Variants in SUGT1 observed in about 807,000 individuals in gnomAD.
The protein encoded by SUGT1 is SGT1 assembly cochaperone of MIS12 kinetochore complex, also known as protein SGT1 homolog.
A neutral mutation model predicts 56.1 loss-of-function variants in SUGT1; 15 were observed. That is an observed-to-expected ratio of 0.27 (90% CI 0.18 to 0.41). The LOEUF (loss-of-function observed/expected upper bound fraction) is 0.41. Among genes scored for constraint, SUGT1 ranks in the 10% least tolerant of loss-of-function variants. The pLI, the probability that SUGT1 is intolerant of heterozygous loss-of-function variation, is 1.00. For missense variants in SUGT1, 347 were observed against 382.2 expected (o/e 0.91, Z 0.77); for synonymous variants, 123 against 128.6 (o/e 0.96, Z 0.30).
chr13:52,661,290 GT>G (rs931735203), intron 5 of SUGT1, among the ~76,000 whole-genome samples: 8 of 146,924 alleles, frequency 5.4e-5, no homozygotes, highest in Admixed American at 1.3e-4. Flanking sequence ...GTTTTTTGGG[GT>G]TTTTTTTTGT....
chr13:52,662,541 T>TGGTGG, intron 5 of SUGT1, 108 bp from the exon 6 acceptor site: 1 of 1,031,360 alleles, frequency 9.7e-7, no homozygotes, highest in Non-Finnish European at 1.4e-6. Flanking sequence ...CGCTGCCGAC[T>TGGTGG]CCCCAGTGCC....
At chr13:52,675,488 G>T (rs1032325027) in intron 10 of SUGT1, among the ~76,000 whole-genome samples, 11 of 152,038 alleles carry the variant, frequency 7.2e-5, no homozygotes, top group Non-Finnish European at 1.5e-4. Flanking sequence ...GAGGCTGGAG[G>T]ATCACTTGAG....
rs185906015 is a variant in SUGT1, at chr13:52,657,780, A to C, written c.187+158A>C. On this transcript the variant is annotated intron_variant, in intron 3 of 12. Coordinates refer to ENST00000310528, the MANE Select transcript of SUGT1 (RefSeq NM_006704.5). ...CAGACATGTTGAGCAACACCCATTT[A>C]AATTTTATGGATGTCGCTTTTTCCT... is the stretch of plus-strand genomic sequence containing the variant. Among the ~76,000 whole-genome samples the C allele has an allele frequency of 2.5e-3, 387 of 152,342 alleles. 1 individual carries two copies. Among genetic ancestry groups the C allele is most frequent in the Non-Finnish European group, 4.1e-3 (276 of 68,026 alleles).
chr13:52,662,531 C>T (rs1049223311), intron 5 of SUGT1, 118 bp from the exon 6 acceptor site: 18 of 880,636 alleles, frequency 2.0e-5, no homozygotes, highest in Middle Eastern at 2.3e-4. Flanking sequence ...AGGTTTTGTT[C>T]GCTGCCGACT....
At chr13:52,685,902 A>G (rs1290705984) in intron 12 of SUGT1, among the ~76,000 whole-genome samples, 1 of 152,128 alleles carries the variant, frequency 6.6e-6, no homozygotes, top group Admixed American at 6.6e-5. Context: ...CCAAATCCAC[A>G]ACTGAAGGTC....
intron 10 of SUGT1, among the ~76,000 whole-genome samples, chr13:52,671,403 C>T (rs574982514): frequency 3.3e-5 from 5 of 152,060 alleles, no homozygotes; most frequent in South Asian, 2.1e-4. Context: ...CAAAGTATTT[C>T]GGCATATGCA....
At chr13:52,657,926 A>G (rs964030248) in intron 3 of SUGT1, among the ~76,000 whole-genome samples, 1 of 152,184 alleles carries the variant, frequency 6.6e-6, no homozygotes, top group Non-Finnish European at 1.5e-5. Context: ...AATTTTTTTT[A>G]TAAAAAAGAA....
rs1964044074 is a variant in SUGT1 at position 52,700,279 on chromosome 13, GC to G, written c.*12446del. The G allele has an allele frequency of 1.3e-5, 2 of 152,060 alleles. No individual in the cohort carries two copies. Among genetic ancestry groups the G allele is most frequent in the South Asian group, 4.1e-4 (2 of 4,830 alleles). The allele number at this position is 152,060 out of a possible 1,614,324, so 9.4% of individuals were successfully genotyped here. ...TAAAGATGTAAAAAAGGTTCACTAA[GC>G]CAAACACCTTAGAAAATAGCCTCAG... On this transcript the variant is annotated 3_prime_UTR_variant, in exon 13 of 13. Transcript: ENST00000310528.
intron 11 of SUGT1, among the ~76,000 whole-genome samples, chr13:52,678,709 T>G (rs780485280): frequency 6.6e-6 from 1 of 150,906 alleles, no homozygotes; most frequent in Non-Finnish European, 1.5e-5. Context: ...GAGAGAGTCT[T>G]GCTGTGTCAC....
At chr13:52,676,999 C>G (rs577748581) in intron 11 of SUGT1, among the ~76,000 whole-genome samples, 1 of 152,236 alleles carries the variant, frequency 6.6e-6, no homozygotes, top group Admixed American at 6.5e-5. Context: ...TATTTTATAG[C>G]AATAGCTTCA....
At chr13:52,658,584 A>C in intron 4 of SUGT1, 116 bp downstream of exon 4, 1 of 873,838 alleles carries the variant, frequency 1.1e-6, no homozygotes, top group African/African-American at 1.7e-5. Context: ...TATACATTAT[A>C]TAGCAGAGAT....
intron 10 of SUGT1, among the ~76,000 whole-genome samples, chr13:52,667,370 A>T (rs1962752550): frequency 6.6e-6 from 1 of 152,108 alleles, no homozygotes; most frequent in South Asian, 2.1e-4. Flanking sequence ...GTTGAGACGG[A>T]GTCTTGCTTT....
In SUGT1 at chr13:52,699,052, T is replaced by C. The variant is rs189394391; in HGVS notation, c.*11217T>C. 1 of 152,190 alleles carries C rather than the reference T, an allele frequency of 6.6e-6. No homozygotes were observed. Among genetic ancestry groups the C allele is most frequent in the Non-Finnish European group, 1.5e-5 (1 of 68,026 alleles). The allele number at this position is 152,190 out of a possible 1,614,324, so 9.4% of individuals were successfully genotyped here. ...GAGAGAACAGAAGTGAGATTAGCAC[T>C]AATCACCTCTAATGCCTTATTTCCA... On this transcript the variant is annotated 3_prime_UTR_variant, in exon 13 of 13. Coordinates refer to ENST00000310528, the MANE Select transcript of SUGT1 (RefSeq NM_006704.5).
In SUGT1 at chr13:52,696,971, G is replaced by A. The variant is rs530427474; in HGVS notation, c.*9136G>A. 6 of 143,560 alleles carry A rather than the reference G, an allele frequency of 4.2e-5. No homozygotes were observed. Among genetic ancestry groups the A allele is most frequent in the African/African-American group, 1.5e-4 (6 of 39,044 alleles). 8.9% of individuals were successfully genotyped at this position (143,560 alleles called of 1,614,324 possible). ...TTGAGATACCATTTTTTGGAGGGGT[G>A]TCCTGATTTATTTTATTTATTTTAT... On this transcript the variant is annotated 3_prime_UTR_variant, in exon 13 of 13. Transcript: ENST00000310528.
rs765297347 is a variant in SUGT1, at chr13:52,665,660, C to T, written c.446C>T (p.Ser149Phe). Residue 149 changes from serine (S) to phenylalanine (F), a missense_variant, in exon 9 of 13, where the codon TCT (serine) becomes TTT (phenylalanine). By Grantham distance (155) the Ser-to-Phe change is radical. Transcript: ENST00000310528. ...AGGTATGACTGGTATCAAACAGAAT[C>T]TCAAGTAGTCATTACACTTATGATC... Reference protein sequence around the residue: ...KIKYDWYQTESQVVITLMIKN... With the variant: ...KIKYDWYQTEFQVVITLMIKN... The T allele has an allele frequency of 6.3e-7, 1 of 1,593,052 alleles. No individual in the cohort carries two copies. Among genetic ancestry groups the T allele is most frequent in the South Asian group, 1.1e-5 (1 of 87,614 alleles).
chr13:52,674,780 T>C (rs9526973), intron 10 of SUGT1, among the ~76,000 whole-genome samples: 143,580 of 152,260 alleles, frequency 0.94, 67,722 homozygotes, highest in East Asian at 0.99. Context: ...ATGTTTATTA[T>C]AGTGCTTACT....
At chr13:52,665,419 A>C (rs555025409) in intron 8 of SUGT1, among the ~76,000 whole-genome samples, 1 of 152,240 alleles carries the variant, frequency 6.6e-6, no homozygotes, top group Non-Finnish European at 1.5e-5. Context: ...ATTTAAGTCT[A>C]CTGGAAAGGT....
chr13:52,684,887 G>C (rs1325038314), intron 12 of SUGT1, among the ~76,000 whole-genome samples: 1 of 136,290 alleles, frequency 7.3e-6, no homozygotes, highest in Non-Finnish European at 1.5e-5. Flanking sequence ...CTTGGCAAGA[G>C]AGAGCAGGGG....
At chr13:52,673,231 C>T (rs1963009147) in intron 10 of SUGT1, among the ~76,000 whole-genome samples, 1 of 118,236 alleles carries the variant, frequency 8.5e-6, no homozygotes, top group Non-Finnish European at 1.7e-5. Context: ...ATTAGTCCCT[C>T]CCTTCTTTTA....
Sources: gnomAD v4.1 joint callset for allele counts (sites outside exome capture counted in the v4.1 genomes callset) on GRCh38, gnomAD v4.1.1 for gene constraint, MANE v1.5 for transcripts, NCBI Gene and HGNC (gene_info 2026-07-23, HGNC 2026-07-21) for gene names.